Variants in WDFY4 observed in about 807,000 individuals in gnomAD.
WDFY4 encodes the protein WDFY family member 4.
WDFY4 carries 169 observed loss-of-function variants against 351.9 expected under a neutral mutation model. That is an observed-to-expected ratio of 0.48 (90% CI 0.42 to 0.55). The LOEUF (loss-of-function observed/expected upper bound fraction) is 0.55. Among genes scored for constraint, WDFY4 ranks in the 20% least tolerant of loss-of-function variants. WDFY4 has a pLI of 0.00. For missense variants in WDFY4, 3,803 were observed against 3,935.6 expected (o/e 0.97, Z 0.90); for synonymous variants, 1,622 against 1,574.6 (o/e 1.03, Z -0.71).
Position 48,808,020 on chromosome 10 carries a change from AC to A in WDFY4, c.4838+64del, listed in dbSNP as rs986063063. 564 of 1,333,398 alleles carry A rather than the reference AC, an allele frequency of 4.2e-4. 6 individuals are homozygous for A. The Middle Eastern group carries it at 8.0e-3, about 19-fold the overall frequency. 82.6% of individuals were successfully genotyped at this position (1,333,398 alleles called of 1,614,324 possible). A position where few individuals can be genotyped will look rare whatever the true frequency, so the allele number is the denominator to read the frequency against. On this transcript the variant is annotated intron_variant, in intron 28 of 61. Transcript: ENST00000325239. ...TACCTCATACAGGGTGTGGCATTAA[AC>A]CTTTTCTTAATGAAAAGTTTAGCAT... is the stretch of plus-strand genomic sequence containing the variant.
intron 4 of WDFY4, among the ~76,000 whole-genome samples, chr10:48,722,996 T>C (rs1408293996): frequency 6.6e-6 from 1 of 152,194 alleles, no homozygotes; most frequent in Non-Finnish European, 1.5e-5. Flanking sequence ...GTCCTCACCA[T>C]TGTTGCTCAC....
In WDFY4 at chr10:48,735,795, A is replaced by T. The variant is rs1019706744; in HGVS notation, c.1688-85A>T. On this transcript the variant is annotated intron_variant, in intron 10 of 61. Transcript: ENST00000325239. ...AATAGCAAAATGAAGTTTGAAAATT[A>T]TAAGACAAAGCTTTTCTTTTGATTG... The T allele has an allele frequency of 1.1e-5, 15 of 1,334,052 alleles. No individual in the cohort carries two copies. In the South Asian group the frequency reaches 1.9e-4, roughly 17 times the overall value. The allele number at this position is 1,334,052 out of a possible 1,614,324, so 82.6% of individuals were successfully genotyped here.
chr10:48,919,837 G>A (rs1367481322), intron 47 of WDFY4, among the ~76,000 whole-genome samples: 1 of 151,568 alleles, frequency 6.6e-6, no homozygotes, highest in Admixed American at 6.6e-5. Flanking sequence ...CAATTGCAAA[G>A]ACATACTAGC....
intron 43 of WDFY4, among the ~76,000 whole-genome samples, chr10:48,888,458 C>T (rs2070558874): frequency 6.6e-6 from 1 of 152,058 alleles, no homozygotes; most frequent in African/African-American, 2.4e-5. Flanking sequence ...CCATCCCAGA[C>T]CACTGAAATA....
intron 43 of WDFY4, among the ~76,000 whole-genome samples, chr10:48,888,123 A>G (rs1004278758): frequency 3.3e-5 from 5 of 152,222 alleles, no homozygotes; most frequent in Non-Finnish European, 5.9e-5. Context: ...TCTTTGGAAG[A>G]ATATCCAATA....
chr10:48,708,686 C>A (rs781465188), intron 1 of WDFY4, among the ~76,000 whole-genome samples: 1 of 152,142 alleles, frequency 6.6e-6, no homozygotes, highest in African/African-American at 2.4e-5. Context: ...CTGTTTTCAT[C>A]GCATAAGTTT....
At chr10:48,948,916 T>A (rs1294700132) in intron 51 of WDFY4, among the ~76,000 whole-genome samples, 3 of 152,236 alleles carry the variant, frequency 2.0e-5, no homozygotes, top group Admixed American at 1.3e-4. Context: ...GAGCTAGACC[T>A]AACAGGTGTG....
intron 47 of WDFY4, among the ~76,000 whole-genome samples, chr10:48,921,553 C>T (rs900922755): frequency 2.0e-5 from 3 of 151,686 alleles, no homozygotes; most frequent in Non-Finnish European, 4.4e-5. Context: ...CAGGCAAAAG[C>T]ACAATTTACA....
At chr10:48,914,686 A>G (rs994691569) in intron 47 of WDFY4, among the ~76,000 whole-genome samples, 6 of 152,178 alleles carry the variant, frequency 3.9e-5, no homozygotes, top group Non-Finnish European at 8.8e-5. Flanking sequence ...CTTAGAGAAT[A>G]AGGTGGGTAC....
At chr10:48,694,253 T>C (rs185445640) in intron 1 of WDFY4, among the ~76,000 whole-genome samples, 1 of 152,114 alleles carries the variant, frequency 6.6e-6, no homozygotes, top group South Asian at 2.1e-4. Context: ...TCTGGAGACA[T>C]TCCTAATAGA....
At position 48,969,208 on chromosome 10, in the gene WDFY4, A is replaced by G; in HGVS notation, c.8729A>G (p.Asp2910Gly). 1 of 1,551,562 alleles carries G rather than the reference A, an allele frequency of 6.4e-7. No individual in the cohort carries two copies. Among genetic ancestry groups the G allele is most frequent in the Non-Finnish European group, 8.7e-7 (1 of 1,146,926 alleles). ...AACAGGACCTTCAGCTGGGGCTTTG[A>G]TGACTTCAGCTGCTGCTTGGGGAGC... The part of the protein sequence containing the change: ...LWNRTFSWGF[D>G]DFSCCLGSYG... Residue 2910 changes from aspartate (D) to glycine (G), a missense_variant, in exon 56 of 62, where the codon GAT becomes GGT. By Grantham distance (94) the Asp-to-Gly change is moderately conservative. Transcript: ENST00000325239.
intron 12 of WDFY4, among the ~76,000 whole-genome samples, chr10:48,753,389 A>AT (rs1012986081): frequency 2.0e-5 from 3 of 152,064 alleles, no homozygotes; most frequent in South Asian, 2.1e-4. Context: ...CAGTTTATCC[A>AT]TTTTTTCTTC....
chr10:48,789,562 C>G (rs1398451273), intron 21 of WDFY4, among the ~76,000 whole-genome samples: 1 of 152,232 alleles, frequency 6.6e-6, no homozygotes, highest in East Asian at 1.9e-4. Context: ...CGCTGTTCCA[C>G]CTGAAAGTGT....
At chr10:48,860,140 T>G (rs1263235683) in intron 39 of WDFY4, among the ~76,000 whole-genome samples, 1 of 152,268 alleles carries the variant, frequency 6.6e-6, no homozygotes, top group Non-Finnish European at 1.5e-5. Context: ...AGTACAGGTT[T>G]TTGTTTCAAT....
intron 23 of WDFY4, 54 bp downstream of exon 23, chr10:48,790,971 G>GTTTCCCAGGGAT: frequency 6.5e-7 from 1 of 1,539,060 alleles, no homozygotes; most frequent in Non-Finnish European, 8.8e-7. Context: ...TGTCATCCCT[G>GTTTCCCAGGGAT]GGAAACAGGG....
chr10:48,796,147 A>T (rs909472312), intron 23 of WDFY4, 151 bp from the exon 24 acceptor site: 27 of 905,708 alleles, frequency 3.0e-5, no homozygotes, highest in Non-Finnish European at 4.0e-5. Flanking sequence ...TGGCCACAGA[A>T]GTTGATGTGT....
chr10:48,779,818 G>A, intron 18 of WDFY4, 123 bp from the exon 19 acceptor site: 1 of 975,182 alleles, frequency 1.0e-6, no homozygotes, highest in African/African-American at 1.6e-5. Context: ...TTTCATGAGA[G>A]GAGGATCTAG....
At chr10:48,765,243 A>G (rs1377046759) in intron 13 of WDFY4, among the ~76,000 whole-genome samples, 1 of 152,234 alleles carries the variant, frequency 6.6e-6, no homozygotes, top group Non-Finnish European at 1.5e-5. Context: ...CATTGTCATT[A>G]TCACTGTGTT....
rs59710044 is a variant in WDFY4, at chr10:48,685,161, G to C, written c.-18+160G>C. Among the ~76,000 whole-genome samples the C allele has an allele frequency of 6.6e-3, 1,003 of 152,300 alleles. 12 individuals are homozygous for C. Among genetic ancestry groups the C allele is most frequent in the African/African-American group, 0.023 (953 of 41,568 alleles). On this transcript the variant is annotated intron_variant, in intron 1 of 61. Transcript: ENST00000325239. ...GGTTTGTGAATGTGGGAGAGGAGGT[G>C]AGCTGGGGAGCAGGAAGTGTGTGTG...
Sources: gnomAD v4.1 joint callset for allele counts (sites outside exome capture counted in the v4.1 genomes callset) on GRCh38, gnomAD v4.1.1 for gene constraint, MANE v1.5 for transcripts, NCBI Gene and HGNC (gene_info 2026-07-23, HGNC 2026-07-21) for gene names.